Variants in PUM3 observed in about 807,000 individuals in gnomAD.
PUM3 encodes the protein pumilio homolog 3.
In PUM3, 91 loss-of-function variants were observed where a neutral mutation model predicts 84.0. The ratio of observed to expected loss-of-function variants is 1.08; its 90% CI spans 0.91 to 1.29. PUM3 has a LOEUF of 1.29. PUM3 is among the 50% of genes most tolerant of loss of function. PUM3 has a pLI of 0.00. For synonymous variants in PUM3, 321 were observed against 266.7 expected (o/e 1.20, Z -1.98); for missense variants, 1,067 against 767.5 (o/e 1.39, Z -4.61).
chr9:2,807,226 T>G (rs1052244973), intron 17 of PUM3, among the ~76,000 whole-genome samples: 19 of 149,766 alleles, frequency 1.3e-4, no homozygotes, highest in Non-Finnish European at 2.2e-4. Flanking sequence ...AAAATTATGT[T>G]TTGGTCAAAA....
intron 1 of PUM3, among the ~76,000 whole-genome samples, chr9:2,839,671 G>T (rs1816217248): frequency 6.6e-6 from 1 of 152,154 alleles, no homozygotes. Flanking sequence ...TTTGAAAAAT[G>T]GACAGTCCCT....
intron 12 of PUM3, among the ~76,000 whole-genome samples, chr9:2,821,123 C>A (rs1470002290): frequency 6.6e-6 from 1 of 152,102 alleles, no homozygotes; most frequent in East Asian, 1.9e-4. Context: ...CAACAAAGGT[C>A]TTACTATACA....
chr9:2,838,604 T>C (rs1030575830), intron 1 of PUM3, 87 bp from the exon 2 acceptor site: 2 of 782,300 alleles, frequency 2.6e-6, no homozygotes, highest in Admixed American at 2.0e-5. Context: ...CCACATTTAG[T>C]CCTTCAGTCT....
chr9:2,820,321 G>A (rs893560835), intron 12 of PUM3, among the ~76,000 whole-genome samples: 1 of 151,864 alleles, frequency 6.6e-6, no homozygotes, highest in Admixed American at 6.6e-5. Context: ...TATTCTAGAG[G>A]TAAGGTTGAT....
chr9:2,827,796 T>C lies in PUM3; in HGVS notation c.957-645A>G, dbSNP rs1265704263. On this transcript the variant is annotated intron_variant, in intron 9 of 17. Transcript: ENST00000397885. ...TGAGTGTTTTGGAACAACCAACCCATTTAATCTTCACAAAATTCCTATGAA... is the reference window on the plus strand; with the variant it reads ...TGAGTGTTTTGGAACAACCAACCCACTTAATCTTCACAAAATTCCTATGAA... 5.3e-5 allele frequency among the ~76,000 whole-genome samples: 8 copies of C among 152,216 alleles called. No homozygotes were observed. The East Asian group carries it at 9.6e-4, about 18-fold the overall frequency.
intron 1 of PUM3, among the ~76,000 whole-genome samples, chr9:2,838,804 TA>T (rs1333068559): frequency 6.6e-6 from 1 of 152,178 alleles, no homozygotes; most frequent in Admixed American, 6.5e-5. Context: ...TAGTACTGGC[TA>T]AAAATAGACC....
chr9:2,824,966 CAG>C (rs1260228692), intron 10 of PUM3, 151 bp from the exon 11 acceptor site: 2 of 449,714 alleles, frequency 4.4e-6, no homozygotes, highest in Non-Finnish European at 7.8e-6. Flanking sequence ...GACAATCAAA[CAG>C]AAACACGAGC....
At chr9:2,831,870 T>C (rs2129865726) in intron 5 of PUM3, among the ~76,000 whole-genome samples, 1 of 152,334 alleles carries the variant, frequency 6.6e-6, no homozygotes, top group Admixed American at 6.5e-5. Flanking sequence ...CATCCATTTG[T>C]CACATTTTCA....
chr9:2,812,199 A>G, intron 14 of PUM3, 21 bp downstream of exon 14: 11 of 1,608,362 alleles, frequency 6.8e-6, no homozygotes, highest in Non-Finnish European at 9.4e-6. Flanking sequence ...AAAGAAGTCA[A>G]GCCATTCTAC....
At chr9:2,812,494 A>G (rs1821394909) in intron 13 of PUM3, 132 bp from the exon 14 acceptor site, 1 of 637,730 alleles carries the variant, frequency 1.6e-6, no homozygotes. Flanking sequence ...AAATTATAGT[A>G]TATGTGCTGC....
At chr9:2,841,464 G>A (rs1320099528) in intron 1 of PUM3, among the ~76,000 whole-genome samples, 1 of 151,992 alleles carries the variant, frequency 6.6e-6, no homozygotes, top group African/African-American at 2.4e-5. Context: ...GCTACTCAGG[G>A]GGCTGAGGCA....
Position 2,840,489 on chromosome 9 carries a change from T to C in PUM3, c.-10-1972A>G, listed in dbSNP as rs536126748. Among the ~76,000 whole-genome samples, 14 of 152,330 alleles carry C rather than the reference T, an allele frequency of 9.2e-5. No individual in the cohort carries two copies. The East Asian group carries it at 2.5e-3, about 27-fold the overall frequency. On this transcript the variant is annotated intron_variant, in intron 1 of 17. Coordinates refer to ENST00000397885, the MANE Select transcript of PUM3 (RefSeq NM_014878.5). Reference sequence around the variant, plus strand: ...TGTCGGTGGATATCGCCTGCAGCAATTACTGCATTTAAATGGTGATCTTCT... The same window carrying C: ...TGTCGGTGGATATCGCCTGCAGCAACTACTGCATTTAAATGGTGATCTTCT...
intron 12 of PUM3, among the ~76,000 whole-genome samples, chr9:2,820,470 TA>T (rs1004822578): frequency 7.2e-5 from 11 of 151,958 alleles, no homozygotes; most frequent in African/African-American, 2.7e-4. Flanking sequence ...AACCTACATA[TA>T]TAAACACATA....
In PUM3 at chr9:2,827,389, A is replaced by C. The variant is rs528043656; in HGVS notation, c.957-238T>G. 2.6e-5 allele frequency among the ~76,000 whole-genome samples: 4 copies of C among 152,382 alleles called. 1 individual carries two copies. The East Asian group carries it at 5.8e-4, about 22-fold the overall frequency. ...ACCAGAGTATAAACTTCTAGTATTT[A>C]ATCGGCAAACATAAAATCAACATTT... On this transcript the variant is annotated intron_variant, in intron 9 of 17. Transcript: ENST00000397885.
At chr9:2,831,102 T>C in intron 6 of PUM3, 74 bp from the exon 7 acceptor site, 1 of 996,080 alleles carries the variant, frequency 1.0e-6, no homozygotes, top group Non-Finnish European at 1.5e-6. Context: ...AGGAAATTTG[T>C]CCCAGGCAAG....
At position 2,811,530 on chromosome 9, in the gene PUM3, G is replaced by A; in HGVS notation, c.1466C>T (p.Ala489Val). 6.2e-7 allele frequency: 1 copy of A among 1,614,176 alleles called. No individual in the cohort carries two copies. The highest frequency in any genetic ancestry group is 1.1e-5 in the South Asian group (1 of 91,080). Residue 489 changes from alanine to valine, a missense_variant, in exon 15 of 18, where the codon GCT becomes GTT. Physicochemically the swap from Ala to Val is moderately conservative, Grantham distance 64 (BLOSUM62 0). Transcript: ENST00000397885. The part of the protein sequence containing the change: ...RRELLESISP[A>V]LLSYLQEHAQ... ...GTGTTCTTGCAGGTAGCTTAACAAA[G>A]CTGGAGAAATGGATTCTAGGAGCTC...
At chr9:2,840,920 C>G (rs935925630) in intron 1 of PUM3, among the ~76,000 whole-genome samples, 2 of 152,202 alleles carry the variant, frequency 1.3e-5, no homozygotes, top group African/African-American at 4.8e-5. Context: ...TGAGGTGTCC[C>G]TGTTTCTATG....
intron 1 of PUM3, among the ~76,000 whole-genome samples, chr9:2,839,448 A>G (rs889323300): frequency 3.3e-5 from 5 of 152,244 alleles, no homozygotes; most frequent in Admixed American, 2.6e-4. Flanking sequence ...TTTGGGAAAC[A>G]GTAAGTTAAA....
At chr9:2,831,175 A>G in intron 6 of PUM3, 76 bp downstream of exon 6, 5 of 1,150,634 alleles carry the variant, frequency 4.3e-6, no homozygotes, top group South Asian at 4.0e-5. Context: ...GTTTTCTAGG[A>G]CAGTCTTGGG....
Sources: allele counts gnomAD v4.1 joint callset (sites outside exome capture counted in the v4.1 genomes callset), GRCh38; gene constraint gnomAD v4.1.1; transcripts MANE v1.5; gene names NCBI Gene and HGNC (gene_info 2026-07-23, HGNC 2026-07-21).